The following TRPC4 variants were observed in gnomAD, a reference collection of about 807,000 sequenced individuals.
TRPC4 encodes transient receptor potential cation channel subfamily C member 4, also known as short transient receptor potential channel 4.
A neutral mutation model predicts 99.4 loss-of-function variants in TRPC4; 49 were observed. The observed-to-expected ratio is 0.49, with a 90% CI of 0.39 to 0.63. The LOEUF (loss-of-function observed/expected upper bound fraction) is 0.63. Ranked by LOEUF, TRPC4 falls within the 20% of genes least tolerant of loss-of-function variation. TRPC4 has a pLI of 0.00. For missense variants in TRPC4, 898 were observed against 1,152.9 expected (o/e 0.78, Z 3.20); for synonymous variants, 454 against 425.9 (o/e 1.07, Z -0.81).
chr13:37,707,422 G>C (rs1442935581), intron 3 of TRPC4, among the ~76,000 whole-genome samples: 1 of 152,024 alleles, frequency 6.6e-6, no homozygotes, highest in Non-Finnish European at 1.5e-5. Context: ...AATACAATCT[G>C]TTTGTAATTT....
chr13:37,688,969 A>G (rs1462402554), intron 4 of TRPC4, among the ~76,000 whole-genome samples: 1 of 152,196 alleles, frequency 6.6e-6, no homozygotes, highest in Non-Finnish European at 1.5e-5. Context: ...AGGACAGGAC[A>G]AGAGAATAGA....
intron 3 of TRPC4, among the ~76,000 whole-genome samples, chr13:37,711,054 T>C (rs1221054431): frequency 6.6e-6 from 1 of 152,134 alleles, no homozygotes; most frequent in East Asian, 1.9e-4. Flanking sequence ...TGTGAATATA[T>C]TAATTCTTAA....
intron 2 of TRPC4, among the ~76,000 whole-genome samples, chr13:37,775,034 A>T (rs1406650612): frequency 2.2e-5 from 1 of 45,930 alleles, no homozygotes; most frequent in Admixed American, 1.7e-4. Context: ...AGATTTAATC[A>T]TGTTAATAAT....
chr13:37,678,736 C>T, intron 4 of TRPC4, among the ~76,000 whole-genome samples: 1 of 152,006 alleles, frequency 6.6e-6, no homozygotes, highest in East Asian at 1.9e-4. Context: ...CAGTAAGAAA[C>T]ATTTAAGAGG....
At chr13:37,646,080 T>C (rs2138576855) in intron 8 of TRPC4, among the ~76,000 whole-genome samples, 1 of 152,366 alleles carries the variant, frequency 6.6e-6, no homozygotes, top group Non-Finnish European at 1.5e-5. Context: ...GAGAGGCATG[T>C]ACTATGAGCA....
intron 1 of TRPC4, among the ~76,000 whole-genome samples, chr13:37,804,755 C>A (rs1252979297): frequency 6.6e-6 from 1 of 151,942 alleles, no homozygotes; most frequent in Non-Finnish European, 1.5e-5. Context: ...AAAGTGTTTT[C>A]AAATGTGTGA....
intron 1 of TRPC4, among the ~76,000 whole-genome samples, chr13:37,859,159 G>T (rs1315768030): frequency 6.6e-6 from 1 of 151,388 alleles, no homozygotes. Flanking sequence ...TCATAAATGG[G>T]AAGAGAGCTG....
At chr13:37,820,090 A>G (rs2139525880) in intron 1 of TRPC4, among the ~76,000 whole-genome samples, 1 of 152,170 alleles carries the variant, frequency 6.6e-6, no homozygotes, top group South Asian at 2.1e-4. Context: ...AATAAACTCA[A>G]TCAGAAATGA....
chr13:37,750,712 A>T (rs867035239), intron 2 of TRPC4, among the ~76,000 whole-genome samples: 1 of 152,054 alleles, frequency 6.6e-6, no homozygotes, highest in Admixed American at 6.6e-5. Flanking sequence ...GGTTTGTTAC[A>T]TAGGTATACA....
chr13:37,861,900 TCAGAAAG>T (rs1402821450), intron 1 of TRPC4, among the ~76,000 whole-genome samples: 3 of 151,476 alleles, frequency 2.0e-5, no homozygotes, highest in Non-Finnish European at 4.4e-5. Flanking sequence ...ATGATAACCC[TCAGAAAG>T]CAAAACATTC....
Position 37,637,629 on chromosome 13 carries a change from C to T in TRPC4, c.2212-4G>A, listed in dbSNP as rs756141698. Reference sequence around the variant, plus strand: ...TAGAAATGTCTTGCTTTAGTTCCTACGTAGAATTTAAAATGAAAAATTCGG... The same window carrying T: ...TAGAAATGTCTTGCTTTAGTTCCTATGTAGAATTTAAAATGAAAAATTCGG... On this transcript the variant is annotated splice_region_variant and splice_polypyrimidine_tract_variant and intron_variant, in intron 10 of 10. Transcript: ENST00000379705. 1.9e-6 allele frequency: 3 copies of T among 1,557,272 alleles called. No homozygotes were observed. Among genetic ancestry groups the T allele is most frequent in the Non-Finnish European group, 2.6e-6 (3 of 1,157,258 alleles).
intron 8 of TRPC4, among the ~76,000 whole-genome samples, chr13:37,641,003 C>A (rs1951698948): frequency 6.6e-6 from 1 of 152,126 alleles, no homozygotes; most frequent in African/African-American, 2.4e-5. Context: ...CAACAGAGAG[C>A]AATTAGAAGT....
At chr13:37,678,989 A>G (rs181674308) in intron 4 of TRPC4, among the ~76,000 whole-genome samples, 596 of 152,302 alleles carry the variant, frequency 3.9e-3, no homozygotes, top group Admixed American at 7.6e-3. Flanking sequence ...GATCATTTCA[A>G]TAGATGCAGT....
chr13:37,690,615 AT>A (rs1262672555), intron 4 of TRPC4, among the ~76,000 whole-genome samples: 1 of 152,088 alleles, frequency 6.6e-6, no homozygotes, highest in Non-Finnish European at 1.5e-5. Context: ...CTTTTTTCTA[AT>A]TTAAACAAGA....
intron 3 of TRPC4, among the ~76,000 whole-genome samples, chr13:37,731,938 T>A (rs1329148721): frequency 6.6e-6 from 1 of 152,106 alleles, no homozygotes; most frequent in African/African-American, 2.4e-5. Flanking sequence ...AGCTTTGTTA[T>A]TTTTTCCTCA....
intron 1 of TRPC4, among the ~76,000 whole-genome samples, chr13:37,825,187 T>C (rs879106715): frequency 2.0e-5 from 3 of 152,108 alleles, no homozygotes; most frequent in South Asian, 2.1e-4. Flanking sequence ...GTCTTGCTAG[T>C]GGTCTATCTA....
At chr13:37,691,878 A>T in intron 4 of TRPC4, 121 bp downstream of exon 4, 1 of 974,594 alleles carries the variant, frequency 1.0e-6, no homozygotes, top group South Asian at 1.9e-5. Flanking sequence ...TCTTGGAGCT[A>T]CAATAGTCAG....
intron 7 of TRPC4, 63 bp from the exon 8 acceptor site, chr13:37,651,522 A>C (rs915793259): frequency 6.2e-5 from 91 of 1,472,620 alleles, no homozygotes; most frequent in African/African-American, 1.3e-4. Context: ...CATAAATCTC[A>C]CAGAGATCCT....
At chr13:37,703,638 C>T (rs1275407016) in intron 3 of TRPC4, among the ~76,000 whole-genome samples, 3 of 152,152 alleles carry the variant, frequency 2.0e-5, no homozygotes, top group Non-Finnish European at 2.9e-5. Context: ...AGTATCACTG[C>T]ATACCTATTA....
Sources: allele counts gnomAD v4.1 joint callset (sites outside exome capture counted in the v4.1 genomes callset), GRCh38; gene constraint gnomAD v4.1.1; transcripts MANE v1.5; gene names NCBI Gene and HGNC (gene_info 2026-07-23, HGNC 2026-07-21).